Variants in RGS3 observed in about 807,000 individuals in gnomAD.
RGS3 encodes regulator of G-protein signalling 3.
In RGS3, 80 loss-of-function variants were observed where a neutral mutation model predicts 132.6. The observed-to-expected ratio is 0.60, with a 90% confidence interval of 0.50 to 0.73. RGS3 has a LOEUF of 0.73. Among genes scored for constraint, RGS3 ranks in the 30% least tolerant of loss-of-function variants. The probability of loss-of-function intolerance (pLI) is 0.00; values close to 1 mark genes in which losing one functional copy is unlikely to be tolerated. For synonymous variants in RGS3, 598 were observed against 620.6 expected, an observed-to-expected ratio of 0.96 and a Z score of 0.54; for missense variants, 1,382 against 1,530.8, an observed-to-expected ratio of 0.90 and a Z score of 1.62.
Position 113,506,440 on chromosome 9 carries a change from G to C in RGS3, c.1032G>C (p.Leu344=). 6 of 1,598,642 alleles carry C rather than the reference G, an allele frequency of 3.8e-6. No individual in the cohort carries two copies. The highest frequency in any genetic ancestry group is 5.1e-6 in the Non-Finnish European group (6 of 1,173,960). ...AGCAGCTGGACACGGTGCTGCAGCTGAATGAGAGGCCTGTGGAGCACTGGA... is the reference window on the plus strand; with the variant it reads ...AGCAGCTGGACACGGTGCTGCAGCTCAATGAGAGGCCTGTGGAGCACTGGA... Residue 344 remains leucine (L), a synonymous_variant, in exon 12 of 25, where the codon CTG becomes CTC. Coordinates refer to ENST00000350696, the Ensembl canonical transcript of RGS3. This position sits in a 1 kb window ranked among gnomAD's most constrained non-coding sequence, Gnocchi z 4.7.
At chr9:113,560,992 AC>A (rs939086782) in intron 19 of RGS3, among the ~76,000 whole-genome samples, 2 of 152,086 alleles carry the variant, frequency 1.3e-5, no homozygotes, top group Non-Finnish European at 2.9e-5. Flanking sequence ...AATTCCTGGG[AC>A]CACATCTTTC....
At chr9:113,584,021 G>C (rs767623246) in exon 20 of RGS3, 1 of 1,614,136 alleles carries the variant, frequency 6.2e-7, no homozygotes, top group Non-Finnish European at 8.5e-7. Flanking sequence ...CAGAAGGCAG[G>C]GGCAGAGCAG....
At chr9:113,452,949 T>C (rs1829281294) in intron 1 of RGS3, among the ~76,000 whole-genome samples, 1 of 136,580 alleles carries the variant, frequency 7.3e-6, no homozygotes, top group African/African-American at 2.7e-5. Flanking sequence ...AATATATTTA[T>C]ATATGATATA....
chr9:113,574,294 C>T (rs7863159), intron 19 of RGS3, among the ~76,000 whole-genome samples: 18,027 of 152,196 alleles, frequency 0.12, 1,277 homozygotes, highest in African/African-American at 0.19. Flanking sequence ...TTGAATGTTC[C>T]CTGCTGGCTC....
intron 19 of RGS3, among the ~76,000 whole-genome samples, chr9:113,562,752 G>A (rs769191819): frequency 4.6e-5 from 7 of 152,202 alleles, no homozygotes; most frequent in Non-Finnish European, 7.4e-5. Context: ...CCTCTGAGAA[G>A]CACTGGGATG....
At chr9:113,510,469 T>C (rs1347347508) in intron 14 of RGS3, among the ~76,000 whole-genome samples, 1 of 152,226 alleles carries the variant, frequency 6.6e-6, no homozygotes, top group Non-Finnish European at 1.5e-5. Flanking sequence ...ATTTTGGTTG[T>C]GTGACTGACT....
At chr9:113,580,904 G>C (rs937319911) in intron 19 of RGS3, 1 of 985,666 alleles carries the variant, frequency 1.0e-6, no homozygotes, top group Non-Finnish European at 1.2e-6. Flanking sequence ...AAGGGGAAAT[G>C]CGGCCCGCTC....
intron 19 of RGS3, among the ~76,000 whole-genome samples, chr9:113,578,854 C>A (rs1834654558): frequency 6.6e-6 from 1 of 152,200 alleles, no homozygotes; most frequent in Non-Finnish European, 1.5e-5. Context: ...TGCCCTTTCT[C>A]ACTTGGTCCC....
intron 18 of RGS3, among the ~76,000 whole-genome samples, chr9:113,532,410 G>A (rs868758484): frequency 1.3e-5 from 2 of 152,004 alleles, no homozygotes; most frequent in Admixed American, 6.5e-5. Flanking sequence ...TAGGTCTCCC[G>A]AAAATGTTTG....
In RGS3 at chr9:113,506,750, G is replaced by A. The variant is rs146841964; in HGVS notation, c.1085+257G>A. Among the ~76,000 whole-genome samples the A allele has an allele frequency of 4.6e-5, 7 of 152,336 alleles. No individual in the cohort carries two copies. In the East Asian group the frequency reaches 1.4e-3, roughly 29 times the overall value. On this transcript the variant is annotated intron_variant, in intron 12 of 24. Coordinates refer to ENST00000350696, the Ensembl canonical transcript of RGS3. The surrounding 1 kb of genome is among the most constrained non-coding windows in gnomAD (Gnocchi z 4.7). ...TCTGTGGTTCAGGACGGGGCACCAGGAGGTTGCTTTCTGCTTTAGCTAATT... is the reference window on the plus strand; with the variant it reads ...TCTGTGGTTCAGGACGGGGCACCAGAAGGTTGCTTTCTGCTTTAGCTAATT...
At chr9:113,523,787 A>G (rs943380091) in intron 17 of RGS3, among the ~76,000 whole-genome samples, 4 of 152,190 alleles carry the variant, frequency 2.6e-5, no homozygotes, top group African/African-American at 9.7e-5. Context: ...GATGGGTGAC[A>G]GGGGCAGAGA....
intron 10 of RGS3, chr9:113,501,551 C>T (rs749467864): frequency 5.8e-6 from 9 of 1,540,064 alleles, no homozygotes; most frequent in Non-Finnish European, 5.2e-6. Flanking sequence ...TTTCATGGGG[C>T]GGCAGCCGAG....
intron 7 of RGS3, among the ~76,000 whole-genome samples, chr9:113,492,846 G>A (rs553313853): frequency 6.6e-6 from 1 of 152,322 alleles, no homozygotes; most frequent in African/African-American, 2.4e-5. Context: ...AATTTACGCT[G>A]CCTGAGTTAC....
intron 18 of RGS3, 38 bp downstream of exon 16, chr9:113,529,302 C>A: frequency 6.6e-7 from 1 of 1,525,236 alleles, no homozygotes; most frequent in Non-Finnish European, 9.1e-7. Flanking sequence ...GAGAGATCTT[C>A]GACCTGGTGC....
chr9:113,555,627 C>T (rs1833536985), intron 19 of RGS3, among the ~76,000 whole-genome samples: 1 of 152,088 alleles, frequency 6.6e-6, no homozygotes, highest in Admixed American at 6.5e-5. Context: ...CCACCACGCC[C>T]AGCTAATTTT....
intron 4 of RGS3, among the ~76,000 whole-genome samples, chr9:113,480,758 C>T (rs1830134555): frequency 1.3e-5 from 2 of 152,218 alleles, no homozygotes; most frequent in South Asian, 4.1e-4. Context: ...AGCTGTCTAG[C>T]ATGGCTGGAG....
chr9:113,571,955 A>G (rs191225035), intron 19 of RGS3, among the ~76,000 whole-genome samples: 204 of 152,294 alleles, frequency 1.3e-3, no homozygotes, highest in Non-Finnish European at 2.1e-3. Flanking sequence ...CTGTCTCACT[A>G]TAGGGCAATG....
chr9:113,518,251 T>C (rs1256483046), intron 16 of RGS3, among the ~76,000 whole-genome samples: 1 of 152,234 alleles, frequency 6.6e-6, no homozygotes, highest in East Asian at 1.9e-4. Flanking sequence ...CCCTGGGCTC[T>C]GCCCTGGCTA....
intron 10 of RGS3, among the ~76,000 whole-genome samples, chr9:113,502,062 GTA>G (rs1418093891): frequency 6.6e-6 from 1 of 152,166 alleles, no homozygotes; most frequent in Non-Finnish European, 1.5e-5. Flanking sequence ...GTGTTTTCGT[GTA>G]TATGTACATA....
Sources: gnomAD v4.1 joint callset for allele counts (sites outside exome capture counted in the v4.1 genomes callset) on GRCh38, gnomAD v4.1.1 for gene constraint, Gnocchi (gnomAD v3.1) non-coding constraint, MANE v1.5 for transcripts, NCBI Gene and HGNC (gene_info 2026-07-23, HGNC 2026-07-21) for gene names.